Variants in PIK3C2G observed in about 807,000 individuals in gnomAD.
PIK3C2G encodes the protein phosphatidylinositol-4-phosphate 3-kinase catalytic subunit type 2 gamma.
PIK3C2G carries 168 observed loss-of-function variants against 181.1 expected under a neutral mutation model. That is an observed-to-expected ratio of 0.93 (90% CI 0.82 to 1.05). The LOEUF is 1.05. Among genes scored for constraint, PIK3C2G ranks in the 50% least tolerant of loss-of-function variants. The pLI is 0.00. For missense variants in PIK3C2G, 1,869 were observed against 1,732.8 expected (o/e 1.08, Z -1.40); for synonymous variants, 573 against 592.2 (o/e 0.97, Z 0.47).
At chr12:18,710,390 A>G in the PIK3C2G span, among the ~76,000 whole-genome samples, 2 of 151,976 alleles carry the variant, frequency 1.3e-5, no homozygotes, top group Non-Finnish European at 2.9e-5. Flanking sequence ...GAAAAGGACT[A>G]AGGAGGCCAG....
chr12:18,431,073 A>T (rs1946129263), intron 18 of PIK3C2G, among the ~76,000 whole-genome samples: 1 of 152,088 alleles, frequency 6.6e-6, no homozygotes, highest in Admixed American at 6.6e-5. Flanking sequence ...TCAAAGTCAC[A>T]GTTGTCTCTC....
At chr12:18,701,494 ACCT>A in the PIK3C2G span, 1 of 1,613,960 alleles carries the variant, frequency 6.2e-7, no homozygotes. Flanking sequence ...ACAAAACACC[ACCT>A]CACCTTCTTT....
the PIK3C2G span, among the ~76,000 whole-genome samples, chr12:18,724,259 AAG>A: frequency 6.6e-6 from 1 of 152,092 alleles, no homozygotes; most frequent in African/African-American, 2.4e-5. Flanking sequence ...ATAGACACTA[AAG>A]AACAGACCTC....
the PIK3C2G span, among the ~76,000 whole-genome samples, chr12:18,689,554 C>T: frequency 1.3e-5 from 2 of 152,032 alleles, no homozygotes; most frequent in South Asian, 2.1e-4. Flanking sequence ...ATTGGACACC[C>T]CTGGTTTAGG....
chr12:18,530,088 A>G (rs1455432544), intron 24 of PIK3C2G, among the ~76,000 whole-genome samples: 1 of 152,064 alleles, frequency 6.6e-6, no homozygotes, highest in African/African-American at 2.4e-5. Context: ...CTCTACAACA[A>G]TTGGCACCCT....
intron 31 of PIK3C2G, among the ~76,000 whole-genome samples, chr12:18,637,583 C>G (rs1274016265): frequency 6.6e-6 from 1 of 152,140 alleles, no homozygotes; most frequent in Non-Finnish European, 1.5e-5. Context: ...GGCAGTTTAG[C>G]AAGGCAACTT....
rs528979525 is a variant in PIK3C2G, at chr12:18,583,802, T to A, written c.4012-10692T>A. ...AAAAAAATGCAGGAGCTCCAGCAAC[T>A]CAAATGGCCAGTTATGTCCTCCAAA... is the stretch of plus-strand genomic sequence containing the variant. On this transcript the variant is annotated intron_variant, in intron 29 of 32. Coordinates refer to ENST00000538779, the MANE Select transcript of PIK3C2G (RefSeq NM_001288772.2). 2.0e-5 allele frequency among the ~76,000 whole-genome samples: 3 copies of A among 151,256 alleles called. No homozygotes were observed. The East Asian group carries it at 5.9e-4, about 30-fold the overall frequency.
chr12:18,286,610 A>G (rs1949455553), intron 2 of PIK3C2G, among the ~76,000 whole-genome samples: 1 of 152,122 alleles, frequency 6.6e-6, no homozygotes, highest in Admixed American at 6.5e-5. Flanking sequence ...AATGAAAGAA[A>G]TGTTCTATAT....
chr12:18,607,284 A>G (rs1948080711), intron 30 of PIK3C2G: 1 of 425,290 alleles, frequency 2.4e-6, no homozygotes, highest in African/African-American at 2.1e-5. Context: ...TGTAGAACTA[A>G]ACATACGAAT....
chr12:18,243,706 G>A (rs573908937), upstream of PIK3C2G, among the ~76,000 whole-genome samples: 11 of 151,790 alleles, frequency 7.2e-5, no homozygotes, highest in East Asian at 7.7e-4. Flanking sequence ...TTTTTAATGC[G>A]TACTCCCATT....
At chr12:18,521,760 A>G (rs1353086164) in intron 24 of PIK3C2G, among the ~76,000 whole-genome samples, 1 of 152,222 alleles carries the variant, frequency 6.6e-6, no homozygotes, top group Non-Finnish European at 1.5e-5. Context: ...GGGCTTAGAC[A>G]GCAGGCAACT....
chr12:18,642,607 C>T (rs1254671344), intron 32 of PIK3C2G, among the ~76,000 whole-genome samples: 8 of 152,150 alleles, frequency 5.3e-5, no homozygotes, highest in Admixed American at 5.2e-4. Context: ...CAAACACTGT[C>T]ACCTCGTGGA....
chr12:18,297,629 A>G (rs924058870), intron 5 of PIK3C2G, among the ~76,000 whole-genome samples: 1 of 151,984 alleles, frequency 6.6e-6, no homozygotes, highest in Non-Finnish European at 1.5e-5. Flanking sequence ...ACTGGAACTG[A>G]TTCATTCTAT....
intron 1 of PIK3C2G, among the ~76,000 whole-genome samples, chr12:18,279,869 C>G (rs1400404735): frequency 6.6e-6 from 1 of 151,694 alleles, no homozygotes; most frequent in Non-Finnish European, 1.5e-5. Context: ...AAAATCTTTC[C>G]CAAATTTATC....
chr12:18,557,357 T>A (rs10841039), intron 26 of PIK3C2G, among the ~76,000 whole-genome samples: 23,486 of 151,844 alleles, frequency 0.15, 2,105 homozygotes, highest in South Asian at 0.26. Context: ...GTAAAATAAG[T>A]GGTTACAAAG....
intron 29 of PIK3C2G, among the ~76,000 whole-genome samples, chr12:18,569,671 T>C (rs1478860159): frequency 1.3e-5 from 2 of 152,192 alleles, no homozygotes; most frequent in East Asian, 1.9e-4. Context: ...GATATACTTA[T>C]TTCAACCTTA....
chr12:18,702,517 G>A, the PIK3C2G span, among the ~76,000 whole-genome samples: 1 of 152,146 alleles, frequency 6.6e-6, no homozygotes, highest in African/African-American at 2.4e-5. Context: ...AGGGAGCTTT[G>A]ATTGTCCTTT....
chr12:18,633,635 A>C (rs147470541), intron 31 of PIK3C2G, among the ~76,000 whole-genome samples: 1 of 152,318 alleles, frequency 6.6e-6, no homozygotes, highest in African/African-American at 2.4e-5. Context: ...GTACTCCAGA[A>C]GTACTCTTCC....
upstream of PIK3C2G, among the ~76,000 whole-genome samples, chr12:18,245,714 G>T (rs1336765309): frequency 1.3e-5 from 2 of 152,008 alleles, no homozygotes; most frequent in African/African-American, 4.8e-5. Flanking sequence ...AGCATTATTT[G>T]CTTAACCATC....
Sources: gnomAD v4.1 joint callset for allele counts (sites outside exome capture counted in the v4.1 genomes callset) on GRCh38, gnomAD v4.1.1 for gene constraint, MANE v1.5 for transcripts, NCBI Gene and HGNC (gene_info 2026-07-23, HGNC 2026-07-21) for gene names.